Variants in RALYL observed in about 807,000 individuals in gnomAD.
RALYL encodes the protein RNA-binding Raly-like protein.
In RALYL, 29 loss-of-function variants were observed where a neutral mutation model predicts 35.1. That is an observed-to-expected ratio of 0.83 (90% CI 0.61 to 1.13). RALYL has a LOEUF of 1.13. Among genes scored for constraint, RALYL ranks in the 50% most tolerant of loss-of-function variants. The pLI is 0.00. For synonymous variants in RALYL, 120 were observed against 127.6 expected (o/e 0.94, Z 0.40); for missense variants, 359 against 360.4 (o/e 1.00, Z 0.03).
intron 1 of RALYL, among the ~76,000 whole-genome samples, chr8:84,243,488 G>C (rs1363726637): frequency 7.8e-6 from 1 of 127,980 alleles, no homozygotes; most frequent in Non-Finnish European, 1.7e-5. Context: ...GTTTGTTTCT[G>C]TTCTCTCTCA....
chr8:84,199,847 A>G (rs987454787), intron 1 of RALYL, among the ~76,000 whole-genome samples: 13 of 152,046 alleles, frequency 8.6e-5, no homozygotes, highest in African/African-American at 2.9e-4. Flanking sequence ...GCTGTTCCAA[A>G]TGTTGAAATT....
At chr8:84,843,288 T>A (rs1429732513) in intron 4 of RALYL, among the ~76,000 whole-genome samples, 1 of 152,114 alleles carries the variant, frequency 6.6e-6, no homozygotes, top group Non-Finnish European at 1.5e-5. Context: ...ACAAAATCAA[T>A]GTACAAAAAT....
chr8:84,717,216 A>G (rs1032253513), intron 2 of RALYL, among the ~76,000 whole-genome samples: 5 of 152,170 alleles, frequency 3.3e-5, no homozygotes, highest in Non-Finnish European at 7.4e-5. Context: ...GTTTGTTACT[A>G]TGATTCTCTT....
At chr8:84,735,518 A>C (rs1018157301) in intron 2 of RALYL, among the ~76,000 whole-genome samples, 2 of 151,946 alleles carry the variant, frequency 1.3e-5, no homozygotes, top group African/African-American at 4.8e-5. Context: ...CTAACTGCCA[A>C]CTGAGCCTCA....
In RALYL at chr8:84,428,106, T is replaced by TCTCACACACA. The variant is rs1182382963; in HGVS notation, c.-23-101192_-23-101191insTCACACACAC. On this transcript the variant is annotated intron_variant, in intron 1 of 8. Transcript: ENST00000521268. ...CTCTCTCTCTCTCTCTCTCTCTCTC[T>TCTCACACACA]CACACACACACACACACACACACAC... Among the ~76,000 whole-genome samples, 146 of 127,324 alleles carry TCTCACACACA rather than the reference T, an allele frequency of 1.1e-3. 1 individual carries two copies. The highest frequency in any genetic ancestry group is 4.0e-3 in the African/African-American group (130 of 32,658). The allele number at this position is 127,324 out of a possible 152,430, so 83.5% of individuals were successfully genotyped here.
chr8:84,475,522 A>C (rs2053293475), intron 1 of RALYL, among the ~76,000 whole-genome samples: 1 of 152,230 alleles, frequency 6.6e-6, no homozygotes, highest in Non-Finnish European at 1.5e-5. Context: ...AAATTTTTGA[A>C]GGCAAATACC....
chr8:84,893,564 G>A (rs1391014764), intron 8 of RALYL, among the ~76,000 whole-genome samples: 1 of 152,154 alleles, frequency 6.6e-6, no homozygotes. Context: ...GAACACTCTA[G>A]GACATTATAA....
chr8:84,791,410 T>C (rs1820750498), intron 3 of RALYL, among the ~76,000 whole-genome samples: 1 of 152,174 alleles, frequency 6.6e-6, no homozygotes, highest in South Asian at 2.1e-4. Context: ...GGCAGAGATG[T>C]AAATGGAGGC....
intron 2 of RALYL, among the ~76,000 whole-genome samples, chr8:84,640,827 G>C (rs976915032): frequency 6.6e-6 from 1 of 151,840 alleles, no homozygotes; most frequent in African/African-American, 2.4e-5. Context: ...ATCAAAATCT[G>C]AATTTTATTA....
At chr8:84,697,242 T>C (rs1039006513) in intron 2 of RALYL, among the ~76,000 whole-genome samples, 1 of 152,060 alleles carries the variant, frequency 6.6e-6, no homozygotes, top group African/African-American at 2.4e-5. Flanking sequence ...GAAATTGATA[T>C]TTTTTAAAGC....
At chr8:84,583,367 G>C (rs1192202132) in intron 2 of RALYL, among the ~76,000 whole-genome samples, 3 of 152,048 alleles carry the variant, frequency 2.0e-5, no homozygotes, top group African/African-American at 7.2e-5. Context: ...ATAAAAAATG[G>C]ATCAGATAAT....
chr8:84,585,949 T>G (rs1811895504), intron 2 of RALYL, among the ~76,000 whole-genome samples: 1 of 152,002 alleles, frequency 6.6e-6, no homozygotes, highest in Admixed American at 6.6e-5. Flanking sequence ...GTAATCCCAG[T>G]ACTTTGGGAG....
At chr8:84,243,890 G>A (rs1007305800) in intron 1 of RALYL, among the ~76,000 whole-genome samples, 1 of 152,142 alleles carries the variant, frequency 6.6e-6, no homozygotes, top group African/African-American at 2.4e-5. Context: ...AGGAGGACAT[G>A]CACCCTCTCT....
chr8:84,569,544 T>C (rs188924491), intron 2 of RALYL, among the ~76,000 whole-genome samples: 196 of 152,038 alleles, frequency 1.3e-3, no homozygotes, highest in Non-Finnish European at 2.1e-3. Context: ...GTTGTGTGCT[T>C]ACTCTGGTGA....
chr8:84,426,919 T>C (rs998510880), intron 1 of RALYL, among the ~76,000 whole-genome samples: 9 of 152,082 alleles, frequency 5.9e-5, no homozygotes, highest in African/African-American at 1.9e-4. Flanking sequence ...AAATTAAAAA[T>C]GGAACTACCA....
At chr8:84,852,156 G>A (rs1835986959) in intron 5 of RALYL, among the ~76,000 whole-genome samples, 1 of 152,130 alleles carries the variant, frequency 6.6e-6, no homozygotes, top group African/African-American at 2.4e-5. Flanking sequence ...AATGGGGAGG[G>A]CAATATCAGC....
chr8:84,322,984 G>A (rs1845155862), intron 1 of RALYL, among the ~76,000 whole-genome samples: 1 of 152,046 alleles, frequency 6.6e-6, no homozygotes, highest in Non-Finnish European at 1.5e-5. Context: ...TGGGTAATGG[G>A]ATGAAGATTG....
chr8:84,380,447 A>C (rs1563821244), intron 1 of RALYL, among the ~76,000 whole-genome samples: 1 of 151,910 alleles, frequency 6.6e-6, no homozygotes, highest in Non-Finnish European at 1.5e-5. Context: ...GTTTTATATT[A>C]TGGAGAGGAT....
At chr8:84,202,968 A>T (rs1327480597) in intron 1 of RALYL, among the ~76,000 whole-genome samples, 4 of 152,226 alleles carry the variant, frequency 2.6e-5, no homozygotes, top group Non-Finnish European at 5.9e-5. Context: ...CCCATAACAT[A>T]AAAACAGAAT....
Sources: gnomAD v4.1 joint callset for allele counts (sites outside exome capture counted in the v4.1 genomes callset) on GRCh38, gnomAD v4.1.1 for gene constraint, MANE v1.5 for transcripts, NCBI Gene and HGNC (gene_info 2026-07-23, HGNC 2026-07-21) for gene names.